SLC38A6: variants seen among roughly 807,000 people sequenced by gnomAD.
SLC38A6 encodes the protein N system amino acid transporter NAT-1.
SLC38A6 carries 73 observed loss-of-function variants against 65.0 expected under a neutral mutation model. The observed-to-expected ratio is 1.12, with a 90% confidence interval of 0.93 to 1.37. The LOEUF is 1.37. Among genes scored for constraint, SLC38A6 ranks in the 40% most tolerant of loss-of-function variants. The probability of loss-of-function intolerance (pLI) is 0.00; values close to 1 mark genes in which losing one functional copy is unlikely to be tolerated. For missense variants in SLC38A6, 561 were observed against 531.1 expected (o/e 1.06, Z -0.55); for synonymous variants, 183 against 178.8 (o/e 1.02, Z -0.19).
intron 4 of SLC38A6, 148 bp downstream of exon 4, chr14:61,016,104 G>C: frequency 1.9e-6 from 1 of 520,126 alleles, no homozygotes; most frequent in Non-Finnish European, 3.3e-6. Context: ...GATAGGAGCA[G>C]GCAAAGAAAG....
At chr14:61,074,692 TC>T (rs2043339439) in intron 15 of SLC38A6, among the ~76,000 whole-genome samples, 1 of 34,756 alleles carries the variant, frequency 2.9e-5, no homozygotes, top group African/African-American at 9.5e-5. Context: ...CCTCCCTCCC[TC>T]CCTCCCTCCC....
chr14:61,068,516 C>T (rs1412219530), intron 15 of SLC38A6, among the ~76,000 whole-genome samples: 2 of 152,168 alleles, frequency 1.3e-5, no homozygotes, highest in Non-Finnish European at 2.9e-5. Flanking sequence ...AGCTTGTTCC[C>T]TCACACTTAC....
chr14:60,997,793 A>G (rs1009806293), intron 3 of SLC38A6, among the ~76,000 whole-genome samples: 7 of 152,326 alleles, frequency 4.6e-5, no homozygotes, highest in African/African-American at 1.4e-4. Context: ...TGTCTGGTGT[A>G]TCTCCCAGGT....
intron 3 of SLC38A6, among the ~76,000 whole-genome samples, chr14:61,006,034 C>T (rs1445890064): frequency 1.3e-5 from 2 of 152,198 alleles, no homozygotes; most frequent in East Asian, 3.9e-4. Context: ...CATATCTACA[C>T]CTATCTGATC....
At chr14:61,070,282 T>C (rs2043187478) in intron 15 of SLC38A6, among the ~76,000 whole-genome samples, 1 of 152,250 alleles carries the variant, frequency 6.6e-6, no homozygotes, top group Non-Finnish European at 1.5e-5. Flanking sequence ...GCTCTCGCCA[T>C]CTTGTACCAA....
chr14:61,023,280 A>G (rs987137514), intron 5 of SLC38A6, among the ~76,000 whole-genome samples: 1 of 152,184 alleles, frequency 6.6e-6, no homozygotes, highest in Non-Finnish European at 1.5e-5. Context: ...TTAACAATAT[A>G]TTGAAATAGG....
At chr14:61,054,138 C>T (rs1594760887), downstream of SLC38A6, among the ~76,000 whole-genome samples, 1 of 152,114 alleles carries the variant, frequency 6.6e-6, no homozygotes, top group Admixed American at 6.6e-5. Context: ...TGAGTCTTTT[C>T]CCCATTGCTT....
intron 3 of SLC38A6, among the ~76,000 whole-genome samples, chr14:60,994,034 T>A (rs2038094975): frequency 6.6e-6 from 1 of 152,196 alleles, no homozygotes; most frequent in Admixed American, 6.5e-5. Flanking sequence ...GGCAGTTTTT[T>A]AACCAAACTA....
chr14:61,043,947 A>G (rs965691845), intron 10 of SLC38A6, among the ~76,000 whole-genome samples: 1 of 152,114 alleles, frequency 6.6e-6, no homozygotes, highest in Non-Finnish European at 1.5e-5. Flanking sequence ...AGCACTGCCA[A>G]TATATCTTCT....
downstream of SLC38A6, among the ~76,000 whole-genome samples, chr14:61,053,299 T>C (rs1284609203): frequency 6.6e-6 from 1 of 152,148 alleles, no homozygotes; most frequent in Non-Finnish European, 1.5e-5. Context: ...GGTGATTCCA[T>C]GTCTTGGCTA....
In SLC38A6 at chr14:61,006,323, C is replaced by G. The variant is rs899060921; in HGVS notation, c.311-9581C>G. On this transcript the variant is annotated intron_variant, in intron 3 of 15. Transcript: ENST00000267488. ...CAATGGCAACAAAAGCCAAAATTGA[C>G]AAATGAGATCTAATTAAACTAAAGA... Among the ~76,000 whole-genome samples, 5 of 152,284 alleles carry G rather than the reference C, an allele frequency of 3.3e-5. No homozygotes were observed. The East Asian group carries it at 7.7e-4, about 23-fold the overall frequency.
intron 15 of SLC38A6, among the ~76,000 whole-genome samples, chr14:61,062,739 G>C (rs560341623): frequency 1.2e-4 from 19 of 152,196 alleles, no homozygotes; most frequent in African/African-American, 3.9e-4. Context: ...GGAGTGCAGT[G>C]GTATAATCTC....
intron 16 of SLC38A6, among the ~76,000 whole-genome samples, chr14:61,080,588 A>G (rs1209676050): frequency 6.6e-6 from 1 of 152,236 alleles, no homozygotes; most frequent in Non-Finnish European, 1.5e-5. Flanking sequence ...TCTGGGAAGC[A>G]AGTCGAAGTG....
At chr14:61,040,724 C>T (rs1321734030) in intron 8 of SLC38A6, among the ~76,000 whole-genome samples, 2 of 152,092 alleles carry the variant, frequency 1.3e-5, no homozygotes, top group African/African-American at 4.8e-5. Context: ...TCAAGTGATC[C>T]TCCCACCTTG....
At chr14:61,041,541 C>T (rs2041815061) in intron 8 of SLC38A6, among the ~76,000 whole-genome samples, 1 of 152,164 alleles carries the variant, frequency 6.6e-6, no homozygotes, top group Admixed American at 6.5e-5. Flanking sequence ...ACCTGGTGCA[C>T]AGCAAGTCCT....
chr14:61,042,221 T>C (rs2041857595), intron 8 of SLC38A6, among the ~76,000 whole-genome samples: 1 of 152,252 alleles, frequency 6.6e-6, no homozygotes. Flanking sequence ...TCCTTATATT[T>C]GTTTTATCAC....
At chr14:61,061,534 C>T (rs900476002) in intron 15 of SLC38A6, among the ~76,000 whole-genome samples, 6 of 152,132 alleles carry the variant, frequency 3.9e-5, no homozygotes, top group Non-Finnish European at 8.8e-5. Flanking sequence ...TGTACATTTC[C>T]ACTGATCATT....
chr14:61,034,095 G>C (rs2041181452), intron 6 of SLC38A6: 1 of 152,128 alleles, frequency 6.6e-6, no homozygotes, highest in Admixed American at 6.6e-5. Context: ...CTGTGATTCT[G>C]AGTTACTGCT....
intron 3 of SLC38A6, among the ~76,000 whole-genome samples, chr14:60,989,935 A>G (rs1012888697): frequency 6.6e-6 from 1 of 151,344 alleles, no homozygotes; most frequent in African/African-American, 2.4e-5. Context: ...TTCATCAAAC[A>G]CTCCTTTTCT....
Sources: allele counts gnomAD v4.1 joint callset (sites outside exome capture counted in the v4.1 genomes callset), GRCh38; gene constraint gnomAD v4.1.1; transcripts MANE v1.5; gene names NCBI Gene and HGNC (gene_info 2026-07-23, HGNC 2026-07-21).